The following RALGAPA1 variants were observed in gnomAD, a reference collection of about 807,000 sequenced individuals.
RALGAPA1 encodes ral GTPase-activating protein subunit alpha-1.
Under a neutral mutation model 269.6 loss-of-function variants are expected in RALGAPA1, and 52 were observed. That is an observed-to-expected ratio of 0.19 (90% CI 0.15 to 0.24). RALGAPA1 has a LOEUF of 0.24. Among genes scored for constraint, RALGAPA1 ranks in the 10% least tolerant of loss-of-function variants. The pLI is 1.00. For missense variants in RALGAPA1, 1,917 were observed against 3,013.9 expected, an observed-to-expected ratio of 0.64 and a Z score of 8.52; for synonymous variants, 817 against 1,008.3, an observed-to-expected ratio of 0.81 and a Z score of 3.60.
At chr14:35,584,561 G>A (rs920968956) in intron 37 of RALGAPA1, among the ~76,000 whole-genome samples, 2 of 152,084 alleles carry the variant, frequency 1.3e-5, no homozygotes, top group Non-Finnish European at 2.9e-5. Context: ...CACTGCACCC[G>A]GTTGGTATAG....
At chr14:35,806,871 T>C (rs900257290) in intron 1 of RALGAPA1, among the ~76,000 whole-genome samples, 3 of 152,212 alleles carry the variant, frequency 2.0e-5, no homozygotes, top group African/African-American at 7.2e-5. Flanking sequence ...TCTCATTCAT[T>C]TTCTTAGAAA....
At chr14:35,552,934 T>C (rs1325674083) in intron 39 of RALGAPA1, among the ~76,000 whole-genome samples, 2 of 152,206 alleles carry the variant, frequency 1.3e-5, no homozygotes, top group South Asian at 2.1e-4. Flanking sequence ...TTTTAAATTA[T>C]TACTCTTGAT....
At chr14:35,744,449 T>C (rs1006248264) in intron 10 of RALGAPA1, among the ~76,000 whole-genome samples, 7 of 151,956 alleles carry the variant, frequency 4.6e-5, no homozygotes, top group Non-Finnish European at 1.0e-4. Flanking sequence ...ACCTTAAAAA[T>C]CACAAACCCT....
At chr14:35,776,043 C>G (rs1184627635) in intron 1 of RALGAPA1, among the ~76,000 whole-genome samples, 1 of 152,180 alleles carries the variant, frequency 6.6e-6, no homozygotes, top group Non-Finnish European at 1.5e-5. Flanking sequence ...ACAGCTACAG[C>G]TTTCCTAACT....
chr14:35,623,370 C>G (rs1248622617), intron 35 of RALGAPA1, among the ~76,000 whole-genome samples: 1 of 151,802 alleles, frequency 6.6e-6, no homozygotes, highest in Non-Finnish European at 1.5e-5. Flanking sequence ...CATACACACA[C>G]ACACGGAGAG....
intron 37 of RALGAPA1, among the ~76,000 whole-genome samples, chr14:35,589,760 G>A (rs559920264): frequency 1.3e-5 from 2 of 152,072 alleles, no homozygotes; most frequent in Non-Finnish European, 2.9e-5. Context: ...TAGTGCAGTG[G>A]TGCAATCTTG....
At chr14:35,725,693 T>A (rs1226633691) in intron 13 of RALGAPA1, among the ~76,000 whole-genome samples, 1 of 151,598 alleles carries the variant, frequency 6.6e-6, no homozygotes, top group East Asian at 1.9e-4. Context: ...ACAGCAAGCC[T>A]TGTCTCTCAA....
chr14:35,580,853 C>T (rs779444314), intron 37 of RALGAPA1, among the ~76,000 whole-genome samples: 3 of 152,140 alleles, frequency 2.0e-5, no homozygotes, highest in African/African-American at 7.2e-5. Context: ...TACTGACTGT[C>T]GACTATCTAA....
chr14:35,663,183 T>C (rs1449568350), intron 27 of RALGAPA1, among the ~76,000 whole-genome samples: 2 of 152,090 alleles, frequency 1.3e-5, no homozygotes, highest in African/African-American at 2.4e-5. Context: ...TGAGCCACCA[T>C]ACCTGGCCTA....
intron 13 of RALGAPA1, among the ~76,000 whole-genome samples, chr14:35,726,103 T>C (rs1246393395): frequency 6.6e-6 from 1 of 152,108 alleles, no homozygotes; most frequent in Non-Finnish European, 1.5e-5. Context: ...ATTTTGCAAG[T>C]CCATTCCAGG....
rs569323719 is a variant in RALGAPA1, at chr14:35,746,544, C to T, written c.1251+2041G>A. Among the ~76,000 whole-genome samples, 7 of 152,072 alleles carry T rather than the reference C, an allele frequency of 4.6e-5. No homozygotes were observed. The South Asian group carries it at 8.3e-4, about 18-fold the overall frequency. On this transcript the variant is annotated intron_variant, in intron 10 of 41. Transcript: ENST00000680220. ...TTAAATATATAGAATTTTTATTTGT[C>T]GGGTATACCTCAATAAAGTTGGGAA... is the stretch of plus-strand genomic sequence containing the variant.
intron 16 of RALGAPA1, among the ~76,000 whole-genome samples, chr14:35,717,009 T>C (rs948578190): frequency 3.3e-5 from 5 of 152,226 alleles, no homozygotes; most frequent in African/African-American, 1.2e-4. Flanking sequence ...GTTTTTGATA[T>C]CTACTAATGA....
intron 39 of RALGAPA1, among the ~76,000 whole-genome samples, chr14:35,569,964 A>T (rs556505485): frequency 4.6e-5 from 7 of 152,270 alleles, no homozygotes; most frequent in African/African-American, 1.7e-4. Context: ...AAAGATTAGT[A>T]CTGATTAAAA....
At chr14:35,787,321 G>A (rs541789656) in intron 1 of RALGAPA1, among the ~76,000 whole-genome samples, 3 of 152,296 alleles carry the variant, frequency 2.0e-5, no homozygotes, top group African/African-American at 4.8e-5. Flanking sequence ...ATAAGAAATG[G>A]CATATTTACA....
intron 7 of RALGAPA1, among the ~76,000 whole-genome samples, chr14:35,754,925 A>T (rs2073040968): frequency 6.6e-6 from 1 of 152,176 alleles, no homozygotes. Context: ...AAGCAAGACC[A>T]AAAAAACTAT....
At chr14:35,555,217 C>T (rs1465972830) in intron 39 of RALGAPA1, among the ~76,000 whole-genome samples, 1 of 152,112 alleles carries the variant, frequency 6.6e-6, no homozygotes, top group Non-Finnish European at 1.5e-5. Context: ...TCCTCATAAT[C>T]TTAAAGAAGG....
chr14:35,590,656 A>G (rs1454284792), intron 37 of RALGAPA1, among the ~76,000 whole-genome samples: 1 of 152,246 alleles, frequency 6.6e-6, no homozygotes, highest in African/African-American at 2.4e-5. Context: ...CTGTGAGTCA[A>G]TTAAACCTCT....
chr14:35,672,518 C>T (rs747483409), intron 25 of RALGAPA1, among the ~76,000 whole-genome samples: 1 of 151,796 alleles, frequency 6.6e-6, no homozygotes, highest in Non-Finnish European at 1.5e-5. Flanking sequence ...CCATATGCCT[C>T]AAGTATCAGT....
chr14:35,563,020 C>CAAAAA (rs71445944), intron 39 of RALGAPA1, among the ~76,000 whole-genome samples: 705 of 37,262 alleles, frequency 0.019, 78 homozygotes, highest in East Asian at 0.089. Flanking sequence ...GAGTCCGTCT[C>CAAAAA]AAAAAAAAAA....
Sources: gnomAD v4.1 joint callset for allele counts (sites outside exome capture counted in the v4.1 genomes callset) on GRCh38, gnomAD v4.1.1 for gene constraint, MANE v1.5 for transcripts, NCBI Gene and HGNC (gene_info 2026-07-23, HGNC 2026-07-21) for gene names.